The following CMIP variants were observed in gnomAD, a reference collection of about 807,000 sequenced individuals.
CMIP encodes c-Maf inducing protein, also known as C-Maf-inducing protein.
A neutral mutation model predicts 97.3 loss-of-function variants in CMIP; 13 were observed. The ratio of observed to expected loss-of-function variants is 0.13; its 90% CI spans 0.09 to 0.21. CMIP has a LOEUF of 0.21. CMIP is among the 10% of genes least tolerant of loss of function. CMIP has a pLI of 1.00. For synonymous variants in CMIP, 538 were observed against 436.3 expected, an observed-to-expected ratio of 1.23 and a Z score of -2.91; for missense variants, 847 against 1,024.9, an observed-to-expected ratio of 0.83 and a Z score of 2.37.
chr16:81,652,627 C>T lies in CMIP; in HGVS notation c.639+263C>T, dbSNP rs957188318. On this transcript the variant is annotated intron_variant, in intron 4 of 20. Coordinates refer to ENST00000537098, the MANE Select transcript of CMIP (RefSeq NM_198390.3). The surrounding 1 kb of genome is among the most constrained non-coding windows in gnomAD (Gnocchi z 5.2). ...CCCCGTGCAGTGAGAGCCAGTAGTC[C>T]CATCCCCATCTCTGTCTTCCCCTAG... 1.3e-5 allele frequency among the ~76,000 whole-genome samples: 2 copies of T among 152,158 alleles called. No homozygotes were observed. The highest frequency in any genetic ancestry group is 2.9e-5 in the Non-Finnish European group (2 of 68,020).
chr16:81,615,849 A>G (rs11150394), intron 2 of CMIP, among the ~76,000 whole-genome samples: 115,767 of 152,008 alleles, frequency 0.76, 44,538 homozygotes, highest in East Asian at 0.96. Context: ...AACCCCCCTG[A>G]ATCAGGTGAT....
At chr16:81,536,217 G>A (rs1045115348) in intron 1 of CMIP, among the ~76,000 whole-genome samples, 15 of 152,322 alleles carry the variant, frequency 9.8e-5, no homozygotes, top group African/African-American at 3.4e-4. Flanking sequence ...AAGGCTTCCA[G>A]CTTGCTGAGG....
At chr16:81,558,783 A>G (rs1008772418) in intron 1 of CMIP, among the ~76,000 whole-genome samples, 2 of 152,194 alleles carry the variant, frequency 1.3e-5, no homozygotes, top group African/African-American at 2.4e-5. Context: ...TCAGTCCCCA[A>G]TGCCAGGAGC....
intron 3 of CMIP, among the ~76,000 whole-genome samples, chr16:81,626,406 G>C (rs548219597): frequency 8.1e-4 from 122 of 151,350 alleles, no homozygotes; most frequent in Non-Finnish European, 1.3e-3. Context: ...GTGGCGTGTG[G>C]GGTGACTATG....
chr16:81,479,457 T>C (rs574871502), intron 1 of CMIP, among the ~76,000 whole-genome samples: 239 of 152,116 alleles, frequency 1.6e-3, no homozygotes, highest in Non-Finnish European at 1.6e-3. Context: ...TCCAGAACTT[T>C]CTCATCTTCT....
intron 3 of CMIP, among the ~76,000 whole-genome samples, chr16:81,624,265 G>A (rs572275934): frequency 1.3e-5 from 2 of 152,182 alleles, no homozygotes; most frequent in South Asian, 2.1e-4. Flanking sequence ...CAACGTGCAG[G>A]TTTGTTACAT....
intron 1 of CMIP, among the ~76,000 whole-genome samples, chr16:81,601,418 G>C (rs1394342755): frequency 6.6e-6 from 1 of 151,982 alleles, no homozygotes; most frequent in African/African-American, 2.4e-5. Context: ...GGCTCTTTCT[G>C]GGGGGGTCAG....
At chr16:81,683,981 G>A (rs991682207) in intron 10 of CMIP, among the ~76,000 whole-genome samples, 3 of 151,614 alleles carry the variant, frequency 2.0e-5, no homozygotes, top group African/African-American at 7.3e-5. Context: ...GGCTGGTCTC[G>A]AACTCTTGAC....
intron 8 of CMIP, among the ~76,000 whole-genome samples, chr16:81,671,185 G>A (rs937635923): frequency 5.3e-5 from 8 of 152,142 alleles, no homozygotes; most frequent in Non-Finnish European, 7.3e-5. Context: ...CTGAAGCTAC[G>A]TATTTCCTAA....
intron 13 of CMIP, among the ~76,000 whole-genome samples, chr16:81,694,700 C>T (rs1177416312): frequency 1.3e-5 from 2 of 152,196 alleles, no homozygotes; most frequent in African/African-American, 4.8e-5. Context: ...CTGGGTGGAG[C>T]CAAGCATATG....
intron 1 of CMIP, among the ~76,000 whole-genome samples, chr16:81,537,535 CAAAAAAAAGACAAAAAAAAAAAAAAAAA>C (rs1030423300): frequency 6.1e-5 from 3 of 49,080 alleles, no homozygotes; most frequent in Non-Finnish European, 1.1e-4. Context: ...ACTCCGTCTC[CAAAAAAAAGACAAAAAAAAAAAAAAAAA>C]AAAAAAAAGA....
rs1026287837 is a variant in CMIP, at chr16:81,627,738, A to G, written c.477+6812A>G. On this transcript the variant is annotated intron_variant, in intron 3 of 20. Coordinates refer to ENST00000537098, the MANE Select transcript of CMIP (RefSeq NM_198390.3). This position sits in a 1 kb window ranked among gnomAD's most constrained non-coding sequence, Gnocchi z 4.6. ...GTCCAAGTGGATAAAGGATGAGGAT[A>G]AAGGACCGTGCCAAAGCCAGATGCC... is the stretch of plus-strand genomic sequence containing the variant. Among the ~76,000 whole-genome samples, 1 of 152,172 alleles carries G rather than the reference A, an allele frequency of 6.6e-6. No individual in the cohort carries two copies. The highest frequency in any genetic ancestry group is 1.5e-5 in the Non-Finnish European group (1 of 68,018).
rs1052809435 is a variant in CMIP, at chr16:81,616,710, C to T, written c.427-4166C>T. Among the ~76,000 whole-genome samples the T allele has an allele frequency of 1.3e-4, 20 of 152,180 alleles. No homozygotes were observed. Among genetic ancestry groups the T allele is most frequent in the Admixed American group, 1.3e-4 (2 of 15,276 alleles). ...GCCAAGTGTGGCTGGGGAAGGGGGT[C>T]ACACCCTCCTATGGGAGGAAAGGCT... On this transcript the variant is annotated intron_variant, in intron 2 of 20. Transcript: ENST00000537098. The surrounding 1 kb of genome is among the most constrained non-coding windows in gnomAD (Gnocchi z 4.7).
chr16:81,693,131 C>T, intron 11 of CMIP, 27 bp from the exon 12 acceptor site: 2 of 1,606,288 alleles, frequency 1.2e-6, no homozygotes, highest in Non-Finnish European at 1.7e-6. Context: ...CTGTTAACCG[C>T]CGTGTTTTCC....
chr16:81,675,186 G>A (rs1039362497), intron 9 of CMIP, among the ~76,000 whole-genome samples: 14 of 151,992 alleles, frequency 9.2e-5, no homozygotes, highest in East Asian at 1.9e-4. Context: ...GGTGCCATTC[G>A]TCACAGTGTT....
intron 1 of CMIP, among the ~76,000 whole-genome samples, chr16:81,451,631 T>C (rs1328513911): frequency 2.6e-5 from 4 of 152,204 alleles, no homozygotes; most frequent in African/African-American, 9.7e-5. Flanking sequence ...TCATGCTTTG[T>C]TCTGGCTGAA....
intron 10 of CMIP, among the ~76,000 whole-genome samples, chr16:81,679,627 G>A (rs530261966): frequency 6.6e-6 from 1 of 152,074 alleles, no homozygotes; most frequent in Non-Finnish European, 1.5e-5. Context: ...CCTGGGTGTG[G>A]GTGTAGGAGA....
intron 10 of CMIP, among the ~76,000 whole-genome samples, chr16:81,679,345 A>C (rs1218558157): frequency 6.6e-6 from 1 of 152,040 alleles, no homozygotes; most frequent in African/African-American, 2.4e-5. Flanking sequence ...CTGTGGCTGC[A>C]TGCATGTGGG....
At chr16:81,471,077 A>G (rs554783188) in intron 1 of CMIP, among the ~76,000 whole-genome samples, 18 of 152,318 alleles carry the variant, frequency 1.2e-4, no homozygotes, top group African/African-American at 4.3e-4. Flanking sequence ...AAATATACCC[A>G]CATGCACACA....
Sources: gnomAD v4.1 joint callset for allele counts (sites outside exome capture counted in the v4.1 genomes callset) on GRCh38, gnomAD v4.1.1 for gene constraint, Gnocchi (gnomAD v3.1) non-coding constraint, MANE v1.5 for transcripts, NCBI Gene and HGNC (gene_info 2026-07-23, HGNC 2026-07-21) for gene names.